Variants in LANCL3 observed in about 807,000 individuals in gnomAD.
LANCL3 encodes the protein LanC like family member 3.
Under a neutral mutation model 26.5 loss-of-function variants are expected in LANCL3, and 19 were observed. The ratio of observed to expected loss-of-function variants is 0.72; its 90% CI spans 0.50 to 1.05. The LOEUF is 1.05. LANCL3 is among the 50% of genes least tolerant of loss of function. The probability of loss-of-function intolerance (pLI) is 0.00; values close to 1 mark genes in which losing one functional copy is unlikely to be tolerated. For synonymous variants in LANCL3, 160 were observed against 166.6 expected (o/e 0.96, Z 0.30); for missense variants, 318 against 362.7 (o/e 0.88, Z 1.00).
At chrX:37,574,213 G>A (rs1923684994) in intron 1 of LANCL3, among the ~76,000 whole-genome samples, 1 of 110,896 alleles carries the variant, frequency 9.0e-6, no homozygotes, top group African/African-American at 3.3e-5. Flanking sequence ...ATGCCAGGCT[G>A]GAAGCCCTTT....
chrX:37,678,417 C>T lies in LANCL3; in HGVS notation c.*2604C>T, dbSNP rs1348201518. On this transcript the variant is annotated 3_prime_UTR_variant, in exon 5 of 5. Transcript: ENST00000378619. ...GGCTACAGGGGCATTTTCACCACCACTAGTATAACTTTAATATTATTTACT... is the reference window on the plus strand; with the variant it reads ...GGCTACAGGGGCATTTTCACCACCATTAGTATAACTTTAATATTATTTACT... 1.8e-5 allele frequency: 2 copies of T among 110,656 alleles called. No individual in the cohort carries two copies. Among genetic ancestry groups the T allele is most frequent in the Non-Finnish European group, 3.8e-5 (2 of 52,774 alleles). The allele number at this position is 110,656 out of a possible 1,213,427, so 9.1% of individuals were successfully genotyped here.
chrX:37,612,147 G>T (rs552574020), intron 1 of LANCL3, among the ~76,000 whole-genome samples: 2 of 110,831 alleles, frequency 1.8e-5, no homozygotes, highest in African/African-American at 6.6e-5. Flanking sequence ...TCACCATGTT[G>T]GGCAGGCTGG....
Position 37,572,010 on chromosome X carries a change from G to A in LANCL3, c.140G>A (p.Gly47Asp). The change falls in exon 1 of 5, where the codon GGC becomes GAC. Residue 47 changes from glycine (G) to aspartate (D), a missense_variant. Coordinates refer to ENST00000378619, the MANE Select transcript of LANCL3 (RefSeq NM_001170331.2). ...CTCCAGGAGCTTCCCCCACTCGGGG[G>A]CGGCGCGGAGGCCCGAGGGGCGACG... The part of the protein sequence containing the change: ...RILQELPPLG[G>D]GAEARGATAG... 2 of 1,187,754 alleles carry A rather than the reference G, an allele frequency of 1.7e-6. No individual in the cohort carries two copies. Among genetic ancestry groups the A allele is most frequent in the Admixed American group, 2.3e-5 (1 of 43,330 alleles).
chrX:37,659,617 G>C lies in LANCL3; in HGVS notation c.853G>C (p.Glu285Gln). Residue 285 changes from glutamate to glutamine, a missense_variant, in exon 3 of 5, where the codon GAG becomes CAG. Glu to Gln is a conservative substitution (Grantham distance 29). Transcript: ENST00000378619. ...GCCACCTGAGCTCGGCGAGACCATC[G>C]AGAGAGAGAATGAGCTGGTGCACTG... is the stretch of plus-strand genomic sequence containing the variant. ...NWPPELGETI[E>Q]RENELVHWCH... The C allele has an allele frequency of 3.3e-6, 4 of 1,210,371 alleles. No homozygotes were observed. The highest frequency in any genetic ancestry group is 4.5e-6 in the Non-Finnish European group (4 of 894,942).
At chrX:37,594,422 A>T (rs1443262650) in intron 1 of LANCL3, among the ~76,000 whole-genome samples, 2 of 112,087 alleles carry the variant, frequency 1.8e-5, no homozygotes, top group Non-Finnish European at 3.8e-5. Context: ...CAAAGGTTAT[A>T]TGGTTGAGAA....
At chrX:37,592,021 C>T (rs1556419036) in intron 1 of LANCL3, among the ~76,000 whole-genome samples, 1 of 111,292 alleles carries the variant, frequency 9.0e-6, no homozygotes, top group Non-Finnish European at 1.9e-5. Context: ...GCCCAAGGCA[C>T]AGTCCAGGGC....
At chrX:37,675,081 C>G (rs1309567837) in intron 4 of LANCL3, among the ~76,000 whole-genome samples, 2 of 112,112 alleles carry the variant, frequency 1.8e-5, no homozygotes, top group Non-Finnish European at 3.8e-5. Context: ...CAAAAATAAT[C>G]TGTCTTGTAG....
intron 1 of LANCL3, among the ~76,000 whole-genome samples, chrX:37,604,622 C>T (rs1924656458): frequency 8.9e-6 from 1 of 111,980 alleles, no homozygotes; most frequent in Admixed American, 9.5e-5. Context: ...CACAGGCTCA[C>T]TTATACGTTT....
At chrX:37,618,593 T>A (rs1925071758) in intron 1 of LANCL3, among the ~76,000 whole-genome samples, 1 of 111,925 alleles carries the variant, frequency 8.9e-6, no homozygotes, top group African/African-American at 3.3e-5. Flanking sequence ...TAACTTCTGA[T>A]GGTTTGCTAG....
Position 37,571,957 on chromosome X carries a change from C to T in LANCL3, c.87C>T (p.Pro29=), listed in dbSNP as rs1288251819. Reference sequence around the variant, plus strand: ...GCCAGTGTGAGGAGGCGGTGGCGCCCTTGGTCACCGCCACCATCGAGCGCA... The same window carrying T: ...GCCAGTGTGAGGAGGCGGTGGCGCCTTTGGTCACCGCCACCATCGAGCGCA... ...LAGQCEEAVA[P]LVTATIERIL... is the part of the protein sequence containing the mutation. The change falls in exon 1 of 5, where the codon CCC becomes CCT. Residue 29 remains proline (P), a synonymous_variant. Transcript: ENST00000378619. 3 of 1,201,533 alleles carry T rather than the reference C, an allele frequency of 2.5e-6. No individual in the cohort carries two copies. The highest frequency in any genetic ancestry group is 4.4e-5 in the Admixed American group (2 of 45,404).
chrX:37,573,067 G>C (rs1923649549), intron 1 of LANCL3, among the ~76,000 whole-genome samples: 1 of 112,720 alleles, frequency 8.9e-6, no homozygotes, highest in African/African-American at 3.2e-5. Flanking sequence ...GGTTGAATGT[G>C]CATTATTTCA....
rs1468408133 is a variant in LANCL3, at chrX:37,682,800, C to G, written c.*6987C>G. 2 of 111,824 alleles carry G rather than the reference C, an allele frequency of 1.8e-5. No individual in the cohort carries two copies. Among genetic ancestry groups the G allele is most frequent in the Admixed American group, 1.9e-4 (2 of 10,549 alleles). 9.2% of individuals were successfully genotyped at this position (111,824 alleles called of 1,213,427 possible). On this transcript the variant is annotated 3_prime_UTR_variant, in exon 5 of 5. Transcript: ENST00000378619. ...AAAATGCAAAATGTAACATGAGTTG[C>G]ACATAGACTCTCTAGCAGTAGAAAT...
intron 1 of LANCL3, among the ~76,000 whole-genome samples, chrX:37,589,936 GAGTGGGCATCACCCCTAAAACAAGA>G (rs2146717362): frequency 8.9e-6 from 1 of 112,225 alleles, no homozygotes; most frequent in African/African-American, 3.2e-5. Flanking sequence ...AAAGTAAATT[GAGTGGGCATCACCCCTAAAACAAGA>G]ACTTGTGTGA....
chrX:37,639,402 C>T (rs1925806226), intron 1 of LANCL3, among the ~76,000 whole-genome samples: 1 of 107,360 alleles, frequency 9.3e-6, no homozygotes, highest in African/African-American at 3.4e-5. Flanking sequence ...TGCTTCATGA[C>T]CAATTACATA....
In LANCL3 at chrX:37,677,740, T is replaced by G. The variant is rs1023740877; in HGVS notation, c.*1927T>G. On this transcript the variant is annotated 3_prime_UTR_variant, in exon 5 of 5. Transcript: ENST00000378619. ...TATCGTCCAAGAACCCCTCAAGATG[T>G]GTTTGGTAAATGCTCCAAAGTCTTA... 2.7e-5 allele frequency: 3 copies of G among 112,120 alleles called. No individual in the cohort carries two copies. The highest frequency in any genetic ancestry group is 9.7e-5 in the African/African-American group (3 of 30,856). The allele number at this position is 112,120 out of a possible 1,213,427, so 9.2% of individuals were successfully genotyped here.
chrX:37,573,128 C>A (rs1412206101), intron 1 of LANCL3, among the ~76,000 whole-genome samples: 1 of 112,553 alleles, frequency 8.9e-6, no homozygotes, highest in Non-Finnish European at 1.9e-5. Context: ...CTTGACAGGG[C>A]AGCTTTTCTT....
chrX:37,605,737 G>A (rs782356323), intron 1 of LANCL3, among the ~76,000 whole-genome samples: 1 of 111,004 alleles, frequency 9.0e-6, no homozygotes, highest in Admixed American at 9.6e-5. Flanking sequence ...CCTCCTTCAG[G>A]TATTCAATAC....
intron 1 of LANCL3, among the ~76,000 whole-genome samples, chrX:37,644,910 T>G (rs890353807): frequency 8.9e-6 from 1 of 112,097 alleles, no homozygotes; most frequent in Non-Finnish European, 1.9e-5. Flanking sequence ...GGCATTGGGA[T>G]TTTTAAAAGC....
intron 1 of LANCL3, among the ~76,000 whole-genome samples, chrX:37,608,295 G>C (rs1924771388): frequency 8.9e-6 from 1 of 111,833 alleles, no homozygotes; most frequent in Admixed American, 9.5e-5. Flanking sequence ...AATGCAGCAG[G>C]CATCAGAATC....
Sources: allele counts gnomAD v4.1 joint callset (sites outside exome capture counted in the v4.1 genomes callset), GRCh38; gene constraint gnomAD v4.1.1; transcripts MANE v1.5; gene names NCBI Gene and HGNC (gene_info 2026-07-23, HGNC 2026-07-21).